Variants in ARHGAP19 observed in about 807,000 individuals in gnomAD.
The protein encoded by ARHGAP19 is Rho GTPase activating protein 19.
ARHGAP19 carries 48 observed loss-of-function variants against 60.9 expected under a neutral mutation model. The ratio of observed to expected loss-of-function variants is 0.79; its 90% CI spans 0.62 to 1.00. ARHGAP19 has a LOEUF of 1.00. ARHGAP19 is among the 50% of genes least tolerant of loss of function. The pLI, the probability that ARHGAP19 is intolerant of heterozygous loss-of-function variation, is 0.00. For missense variants in ARHGAP19, 562 were observed against 597.2 expected, an observed-to-expected ratio of 0.94 and a Z score of 0.61; for synonymous variants, 209 against 215.5, an observed-to-expected ratio of 0.97 and a Z score of 0.27.
chr10:97,283,851 C>T (rs1342302017), intron 1 of ARHGAP19, among the ~76,000 whole-genome samples: 2 of 97,696 alleles, frequency 2.0e-5, no homozygotes, highest in African/African-American at 3.5e-5. Flanking sequence ...AAAAAAAAAA[C>T]TGTCTCAATA....
intron 1 of ARHGAP19, among the ~76,000 whole-genome samples, chr10:97,289,852 T>TAA (rs11304186): frequency 2.4e-5 from 3 of 124,492 alleles, no homozygotes; most frequent in Admixed American, 8.5e-5. Context: ...AGCCCTGTGT[T>TAA]AAAAAAAAAA....
chr10:97,234,300 G>A (rs1851087496), intron 9 of ARHGAP19, among the ~76,000 whole-genome samples: 2 of 150,982 alleles, frequency 1.3e-5, no homozygotes, highest in South Asian at 4.2e-4. Flanking sequence ...AATAGCTAAC[G>A]CATGCTGGGC....
chr10:97,223,283 A>C lies in ARHGAP19; in HGVS notation c.*2839T>G, dbSNP rs1392373601. 6.6e-6 allele frequency: 1 copy of C among 152,074 alleles called. No homozygotes were observed. Among genetic ancestry groups the C allele is most frequent in the Non-Finnish European group, 1.5e-5 (1 of 68,018 alleles). The allele number at this position is 152,074 out of a possible 1,614,324, so 9.4% of individuals were successfully genotyped here. A position where few individuals can be genotyped will look rare whatever the true frequency, so the allele number is the denominator to read the frequency against. On this transcript the variant is annotated 3_prime_UTR_variant, in exon 12 of 12. Transcript: ENST00000358531. ...CCTGCTCCTTTTTTTACGGTTCGTT[A>C]CCTGCTCCTGTTTTGGCCCTCAGGT...
At chr10:97,288,306 G>A (rs1462910547) in intron 1 of ARHGAP19, among the ~76,000 whole-genome samples, 1 of 151,720 alleles carries the variant, frequency 6.6e-6, no homozygotes, top group South Asian at 2.1e-4. Flanking sequence ...CTGCAGCCGG[G>A]AGTGGTGGCT....
At chr10:97,245,567 G>A (rs1423997553) in intron 7 of ARHGAP19, among the ~76,000 whole-genome samples, 2 of 135,238 alleles carry the variant, frequency 1.5e-5, no homozygotes, top group Admixed American at 1.7e-4. Flanking sequence ...CTGCACTCCA[G>A]CCTACCCAAC....
intron 6 of ARHGAP19, among the ~76,000 whole-genome samples, chr10:97,253,195 T>C (rs1412253823): frequency 6.6e-6 from 1 of 152,112 alleles, no homozygotes; most frequent in South Asian, 2.1e-4. Flanking sequence ...CTGGCCAATA[T>C]GGTGAAAACC....
At chr10:97,272,601 C>T (rs540080380) in intron 1 of ARHGAP19, among the ~76,000 whole-genome samples, 2 of 152,198 alleles carry the variant, frequency 1.3e-5, no homozygotes, top group East Asian at 3.9e-4. Flanking sequence ...TTTTCCTTTA[C>T]TTCTTGTGTT....
At chr10:97,248,416 A>G (rs1401219459) in intron 6 of ARHGAP19, among the ~76,000 whole-genome samples, 2 of 152,214 alleles carry the variant, frequency 1.3e-5, no homozygotes, top group East Asian at 1.9e-4. Context: ...TCTCCAAAAC[A>G]AGAAAAAAAA....
At position 97,222,522 on chromosome 10, in the gene ARHGAP19, C is replaced by G. The variant is rs1850821951; in HGVS notation, c.*3600G>C. ...CCCAAGCACTCAGGCTATTATGTCCCACACCTCCTCGCTGGCCTGCTTCTG... is the reference window on the plus strand; with the variant it reads ...CCCAAGCACTCAGGCTATTATGTCCGACACCTCCTCGCTGGCCTGCTTCTG... On this transcript the variant is annotated 3_prime_UTR_variant, in exon 12 of 12. Transcript: ENST00000358531. The G allele has an allele frequency of 6.6e-6, 1 of 152,422 alleles. No homozygotes were observed. Among genetic ancestry groups the G allele is most frequent in the African/African-American group, 2.4e-5 (1 of 41,466 alleles). The allele number at this position is 152,422 out of a possible 1,614,324, so 9.4% of individuals were successfully genotyped here. A position where few individuals can be genotyped will look rare whatever the true frequency, so the allele number is the denominator to read the frequency against.
chr10:97,258,063 T>G (rs570700585), intron 5 of ARHGAP19, among the ~76,000 whole-genome samples: 2 of 152,192 alleles, frequency 1.3e-5, no homozygotes, highest in Non-Finnish European at 2.9e-5. Flanking sequence ...ATAATTTGTT[T>G]TGTTATAGAT....
At chr10:97,268,272 T>A (rs1271026545) in intron 1 of ARHGAP19, among the ~76,000 whole-genome samples, 1 of 152,210 alleles carries the variant, frequency 6.6e-6, no homozygotes, top group Admixed American at 6.5e-5. Context: ...GACTTCACTG[T>A]CCATATCACT....
intron 1 of ARHGAP19, among the ~76,000 whole-genome samples, chr10:97,286,730 T>G (rs1407639258): frequency 7.9e-5 from 12 of 152,210 alleles, no homozygotes; most frequent in Admixed American, 7.2e-4. Flanking sequence ...GGCATTCTAC[T>G]GTCTGTTCCT....
intron 1 of ARHGAP19, among the ~76,000 whole-genome samples, chr10:97,271,342 T>C (rs1172445107): frequency 1.3e-5 from 2 of 151,738 alleles, no homozygotes; most frequent in African/African-American, 2.4e-5. Context: ...AATAAATAAA[T>C]AGATAAATAA....
intron 5 of ARHGAP19, among the ~76,000 whole-genome samples, chr10:97,256,693 T>C (rs1447207783): frequency 6.6e-6 from 1 of 152,128 alleles, no homozygotes; most frequent in African/African-American, 2.4e-5. Context: ...AGTCTAGGAT[T>C]CAAAATGGGC....
intron 1 of ARHGAP19, among the ~76,000 whole-genome samples, chr10:97,291,960 C>T (rs1427120577): frequency 6.6e-6 from 1 of 152,160 alleles, no homozygotes; most frequent in East Asian, 1.9e-4. Flanking sequence ...CCATCTGCTC[C>T]TTAGCTGTTC....
At chr10:97,250,064 G>A (rs1200558168) in intron 6 of ARHGAP19, among the ~76,000 whole-genome samples, 2 of 152,090 alleles carry the variant, frequency 1.3e-5, no homozygotes, top group Non-Finnish European at 2.9e-5. Context: ...GATTACAGGC[G>A]TGAGCCACCG....
At chr10:97,271,841 T>C (rs1391020523) in intron 1 of ARHGAP19, among the ~76,000 whole-genome samples, 1 of 151,926 alleles carries the variant, frequency 6.6e-6, no homozygotes, top group South Asian at 2.1e-4. Context: ...TTTAATTTTA[T>C]CAAATACTTA....
Position 97,235,132 on chromosome 10 carries a change from G to A in ARHGAP19, c.1284+85C>T, listed in dbSNP as rs1027963319. Reference sequence around the variant, plus strand: ...CCCTTTATAGGGTCCCCAAAAAACAGAAGAAAACTTTTTATGCATAAGAAA... The same window carrying A: ...CCCTTTATAGGGTCCCCAAAAAACAAAAGAAAACTTTTTATGCATAAGAAA... On this transcript the variant is annotated intron_variant, in intron 9 of 11. Coordinates refer to ENST00000358531, the MANE Select transcript of ARHGAP19 (RefSeq NM_032900.6). The A allele has an allele frequency of 1.2e-5, 16 of 1,346,078 alleles. No individual in the cohort carries two copies. The African/African-American group carries it at 2.1e-4, about 17-fold the overall frequency. 83.4% of individuals were successfully genotyped at this position (1,346,078 alleles called of 1,614,324 possible).
At chr10:97,289,478 C>A (rs12359643) in intron 1 of ARHGAP19, among the ~76,000 whole-genome samples, 6,269 of 152,056 alleles carry the variant, frequency 0.041, 205 homozygotes, top group Non-Finnish European at 0.061. Flanking sequence ...TATGTGAATA[C>A]CTACTGATCA....
Sources: gnomAD v4.1 joint callset for allele counts (sites outside exome capture counted in the v4.1 genomes callset) on GRCh38, gnomAD v4.1.1 for gene constraint, MANE v1.5 for transcripts, NCBI Gene and HGNC (gene_info 2026-07-23, HGNC 2026-07-21) for gene names.